The following SRPX2 variants were observed in gnomAD, a reference collection of about 807,000 sequenced individuals.
The protein encoded by SRPX2 is sushi repeat containing protein X-linked 2, also known as sushi repeat-containing protein SRPX2.
SRPX2 carries 26 observed loss-of-function variants against 45.3 expected under a neutral mutation model. That is an observed-to-expected ratio of 0.57 (90% confidence interval 0.42 to 0.80). The LOEUF is 0.80. Ranked by LOEUF, SRPX2 falls within the 30% of genes least tolerant of loss-of-function variation. The pLI, the probability that SRPX2 is intolerant of heterozygous loss-of-function variation, is 0.00. For synonymous variants in SRPX2, 125 were observed against 143.7 expected (o/e 0.87, Z 0.93); for missense variants, 355 against 399.8 (o/e 0.89, Z 0.95).
chrX:100,646,494 G>C, intron 2 of SRPX2, 90 bp downstream of exon 2: 1 of 849,304 alleles, frequency 1.2e-6, no homozygotes, highest in Non-Finnish European at 1.7e-6. Flanking sequence ...TACAAAAAGA[G>C]ACACTTATTT....
intron 2 of SRPX2, among the ~76,000 whole-genome samples, chrX:100,646,660 GC>G (rs1373662489): frequency 9.0e-6 from 1 of 111,701 alleles, no homozygotes; most frequent in Non-Finnish European, 1.9e-5. Flanking sequence ...CACCTTTGAG[GC>G]CATTGTCTCA....
intron 3 of SRPX2, among the ~76,000 whole-genome samples, chrX:100,653,155 T>C (rs1376855454): frequency 9.0e-6 from 1 of 111,178 alleles, no homozygotes; most frequent in East Asian, 2.8e-4. Context: ...TGAACTTGGG[T>C]CAACCCTGAC....
chrX:100,649,357 A>ACCCCC (rs200339934), intron 2 of SRPX2: 2 of 106,458 alleles, frequency 1.9e-5, no homozygotes, highest in Admixed American at 1.0e-4. Flanking sequence ...AAATTCCATG[A>ACCCCC]CCCGCCCCCC....
intron 1 of SRPX2, among the ~76,000 whole-genome samples, chrX:100,645,541 C>T (rs2083132844): frequency 8.9e-6 from 1 of 111,798 alleles, no homozygotes; most frequent in Admixed American, 9.5e-5. Context: ...AGCCTTAAAA[C>T]CCAAAGCTAA....
rs1307271359 is a variant in SRPX2, at chrX:100,675,438, G to C, written c.*4451G>C. The C allele has an allele frequency of 8.9e-6, 1 of 112,895 alleles. No homozygotes were observed. Among genetic ancestry groups the C allele is most frequent in the Non-Finnish European group, 1.9e-5 (1 of 53,375 alleles). 9.3% of individuals were successfully genotyped at this position (112,895 alleles called of 1,213,427 possible). ...TTTCAAAGAAAAGCATTAGACCAAA[G>C]CAAGGTGGAAACTGCTTAAAAACTA... is the stretch of plus-strand genomic sequence containing the variant. On this transcript the variant is annotated 3_prime_UTR_variant, in exon 11 of 11. Transcript: ENST00000373004.
At chrX:100,650,504 A>G (rs2083149341) in intron 2 of SRPX2, among the ~76,000 whole-genome samples, 1 of 111,701 alleles carries the variant, frequency 9.0e-6, no homozygotes, top group Non-Finnish European at 1.9e-5. Context: ...ATGTATGGTC[A>G]GGTTCAATTT....
intron 2 of SRPX2, chrX:100,650,139 G>A (rs1602716807): frequency 8.8e-6 from 1 of 113,583 alleles, no homozygotes; most frequent in East Asian, 2.8e-4. Context: ...AAATTTATCC[G>A]AAGGACTCTG....
chrX:100,661,945 T>G lies in SRPX2; in HGVS notation c.164-231T>G, dbSNP rs867705358. The stretch of plus-strand genomic sequence containing the variant: ...AGGTCGAGGTGGGGTTTTTTTTTTT[T>G]TTTTTTTTTTTTTTGCATATGGAAG... On this transcript the variant is annotated intron_variant, in intron 3 of 10. Transcript: ENST00000373004. 3.4e-3 allele frequency among the ~76,000 whole-genome samples: 343 copies of G among 100,525 alleles called. 1 individual carries two copies. The highest frequency in any genetic ancestry group is 0.012 in the African/African-American group (334 of 27,306). 87.3% of individuals were successfully genotyped at this position (100,525 alleles called of 115,157 possible).
intron 2 of SRPX2, among the ~76,000 whole-genome samples, chrX:100,647,021 T>G (rs1445034136): frequency 1.8e-5 from 2 of 112,073 alleles, no homozygotes; most frequent in Non-Finnish European, 3.8e-5. Context: ...GGGATGGAGA[T>G]TTCTGGATTC....
chrX:100,655,854 A>AG (rs2083167061), intron 3 of SRPX2, among the ~76,000 whole-genome samples: 1 of 53,930 alleles, frequency 1.9e-5, no homozygotes, highest in African/African-American at 5.9e-5. Context: ...GGGGTGGGGG[A>AG]GTTTTTTTTT....
chrX:100,661,948 T>G (rs1385354244), intron 3 of SRPX2, among the ~76,000 whole-genome samples: 1 of 101,309 alleles, frequency 9.9e-6, no homozygotes, highest in Non-Finnish European at 2.0e-5. Flanking sequence ...TTTTTTTTTT[T>G]TTTTTTTTTT....
chrX:100,659,147 A>G (rs571670486), intron 3 of SRPX2, among the ~76,000 whole-genome samples: 2 of 112,137 alleles, frequency 1.8e-5, no homozygotes, highest in South Asian at 3.8e-4. Flanking sequence ...CCTGGAGATC[A>G]CTATTTCTCT....
chrX:100,658,217 T>C (rs1249110403), intron 3 of SRPX2, among the ~76,000 whole-genome samples: 1 of 112,196 alleles, frequency 8.9e-6, no homozygotes, highest in East Asian at 2.8e-4. Context: ...TTTCCCTATG[T>C]TTTCTTCTAG....
In SRPX2 at chrX:100,662,996, T is replaced by C. The variant is rs563587031; in HGVS notation, c.355+629T>C. On this transcript the variant is annotated intron_variant, in intron 4 of 10. Transcript: ENST00000373004. ...TAGGACACCCATGTATGCGCAGCCC[T>C]GTATTGGTCACTTCCTGTGTTACTC... is the stretch of plus-strand genomic sequence containing the variant. 7.1e-5 allele frequency among the ~76,000 whole-genome samples: 8 copies of C among 112,121 alleles called. No homozygotes were observed. The East Asian group carries it at 2.2e-3, about 31-fold the overall frequency.
In SRPX2 at chrX:100,650,870, T is replaced by G; in HGVS notation, c.163+5T>G. ...CTCCTGCCCTGGACTACCGAGGTAA[T>G]CTACCCTGCTTCTCAAGCCCAGAAA... On this transcript the variant is annotated splice_donor_5th_base_variant and intron_variant, in intron 3 of 10. Transcript: ENST00000373004. The G allele has an allele frequency of 8.3e-7, 1 of 1,199,702 alleles. No homozygotes were observed.
chrX:100,661,940 T>G (rs1444272807), intron 3 of SRPX2, among the ~76,000 whole-genome samples: 4 of 99,185 alleles, frequency 4.0e-5, no homozygotes, highest in African/African-American at 7.4e-5. Context: ...GGGGTTTTTT[T>G]TTTTTTTTTT....
Position 100,671,986 on chromosome X carries a change from A to G in SRPX2, c.*999A>G, listed in dbSNP as rs949405580. Reference sequence around the variant, plus strand: ...CTCTCCCTTCCTCAGAGGAGTCCCCAGCTTGTTACTTAGGAAACTTCAAAA... The same window carrying G: ...CTCTCCCTTCCTCAGAGGAGTCCCCGGCTTGTTACTTAGGAAACTTCAAAA... On this transcript the variant is annotated 3_prime_UTR_variant, in exon 11 of 11. Coordinates refer to ENST00000373004, the MANE Select transcript of SRPX2 (RefSeq NM_014467.3). 10 of 112,131 alleles carry G rather than the reference A, an allele frequency of 8.9e-5. No homozygotes were observed. Among genetic ancestry groups the G allele is most frequent in the Non-Finnish European group, 1.5e-4 (8 of 53,223 alleles). 9.2% of individuals were successfully genotyped at this position (112,131 alleles called of 1,213,427 possible). A position where few individuals can be genotyped will look rare whatever the true frequency, so the allele number is the denominator to read the frequency against.
At chrX:100,662,600 TC>T (rs1046391218) in intron 4 of SRPX2, among the ~76,000 whole-genome samples, 21 of 112,047 alleles carry the variant, frequency 1.9e-4, no homozygotes, top group Non-Finnish European at 3.6e-4. Context: ...CTCTTCTGTC[TC>T]GGGGAGCCCA....
chrX:100,665,246 T>C lies in SRPX2; in HGVS notation c.536T>C (p.Ile179Thr). ...WSGGEPVCVD[I>T]DPPKIRCPHS... ...ACTTGATTTTTCATCTTGGCAGACA[T>C]AGATCCCCCCAAGATCCGCTGTCCC... Residue 179 changes from isoleucine (I) to threonine (T), a missense_variant, in exon 6 of 11, where the codon ATA (isoleucine) becomes ACA (threonine). By Grantham distance (89) the Ile-to-Thr change is moderately conservative (BLOSUM62 -1). Coordinates refer to ENST00000373004, the MANE Select transcript of SRPX2 (RefSeq NM_014467.3). 8.3e-7 allele frequency: 1 copy of C among 1,209,878 alleles called. No homozygotes were observed.
Sources: allele counts gnomAD v4.1 joint callset (sites outside exome capture counted in the v4.1 genomes callset), GRCh38; gene constraint gnomAD v4.1.1; transcripts MANE v1.5; gene names NCBI Gene and HGNC (gene_info 2026-07-23, HGNC 2026-07-21).